The following C4orf51 variants were observed in gnomAD, a reference collection of about 807,000 sequenced individuals.
C4orf51 encodes the protein chromosome 4 open reading frame 51.
Under a neutral mutation model 25.2 loss-of-function variants are expected in C4orf51, and 25 were observed. The observed-to-expected ratio is 0.99, with a 90% CI of 0.72 to 1.39. The LOEUF is 1.39. Ranked by LOEUF, C4orf51 falls within the 40% of genes most tolerant of loss-of-function variation. The pLI is 0.00. For synonymous variants in C4orf51, 100 were observed against 84.5 expected, an observed-to-expected ratio of 1.18 and a Z score of -1.01; for missense variants, 252 against 239.6, an observed-to-expected ratio of 1.05 and a Z score of -0.34.
In C4orf51 at chr4:145,681,878, T is replaced by C. The variant is rs190897180; in HGVS notation, c.233+1442T>C. The stretch of plus-strand genomic sequence containing the variant: ...ATTAGTCCTTACCTCCCAAAACTAT[T>C]GCATTGGGGATTAAATTTCTAACAC... On this transcript the variant is annotated intron_variant, in intron 1 of 5. Coordinates refer to ENST00000438731, the MANE Select transcript of C4orf51 (RefSeq NM_001080531.3). 9.8e-5 allele frequency among the ~76,000 whole-genome samples: 15 copies of C among 152,286 alleles called. No homozygotes were observed. The East Asian group carries it at 2.9e-3, about 29-fold the overall frequency.
At chr4:145,701,002 AG>A (rs1365538234) in intron 2 of C4orf51, among the ~76,000 whole-genome samples, 1 of 152,144 alleles carries the variant, frequency 6.6e-6, no homozygotes, top group Non-Finnish European at 1.5e-5. Context: ...ACCCCAAATC[AG>A]AAGGGTTTAG....
At chr4:145,696,418 T>C in intron 1 of C4orf51, 141 bp from the exon 2 acceptor site, 2 of 699,180 alleles carry the variant, frequency 2.9e-6, no homozygotes. Context: ...TTTATCTAAA[T>C]AACAAACCTT....
At chr4:145,783,207 G>A in the C4orf51 span, among the ~76,000 whole-genome samples, 36 of 152,292 alleles carry the variant, frequency 2.4e-4, no homozygotes, top group Middle Eastern at 3.4e-3. Flanking sequence ...CTCAGCATTA[G>A]CACAATCTCT....
At chr4:145,744,403 A>T (rs986309330) in intron 1 of C4orf51, among the ~76,000 whole-genome samples, 1 of 152,256 alleles carries the variant, frequency 6.6e-6, no homozygotes, top group Non-Finnish European at 1.5e-5. Flanking sequence ...TCTTATCCAC[A>T]GGCAGATAAA....
chr4:145,775,788 C>T, downstream of C4orf51: 1 of 1,614,156 alleles, frequency 6.2e-7, no homozygotes, highest in Non-Finnish European at 8.5e-7. Flanking sequence ...CTGCAACTCA[C>T]CTGTAATAAT....
chr4:145,756,369 T>C (rs1038075872), downstream of C4orf51, among the ~76,000 whole-genome samples: 1 of 152,148 alleles, frequency 6.6e-6, no homozygotes, highest in Non-Finnish European at 1.5e-5. Context: ...TGGATTAAAA[T>C]TCAATCAAAG....
At chr4:145,791,347 G>A in the C4orf51 span, among the ~76,000 whole-genome samples, 3 of 152,186 alleles carry the variant, frequency 2.0e-5, no homozygotes, top group African/African-American at 7.2e-5. Context: ...CAAGACCTAA[G>A]CACTTCCCAA....
intron 3 of C4orf51, among the ~76,000 whole-genome samples, chr4:145,727,603 CG>C (rs776658882): frequency 2.0e-5 from 3 of 151,504 alleles, no homozygotes; most frequent in Non-Finnish European, 2.9e-5. Flanking sequence ...AGGCCGGGCA[CG>C]GTGGCTCATG....
At chr4:145,692,172 G>T (rs1729619525) in intron 1 of C4orf51, among the ~76,000 whole-genome samples, 1 of 152,164 alleles carries the variant, frequency 6.6e-6, no homozygotes, top group Admixed American at 6.5e-5. Flanking sequence ...GAAGCAAAAT[G>T]TAGAATAAGT....
chr4:145,708,769 C>T (rs774277910), intron 2 of C4orf51, among the ~76,000 whole-genome samples: 14 of 152,230 alleles, frequency 9.2e-5, no homozygotes, highest in African/African-American at 2.2e-4. Context: ...ATTGTGCCTA[C>T]GGCCTTGGGC....
intron 1 of C4orf51, among the ~76,000 whole-genome samples, chr4:145,689,560 G>A (rs1262457750): frequency 6.6e-6 from 1 of 151,932 alleles, no homozygotes; most frequent in African/African-American, 2.4e-5. Flanking sequence ...CATACCAAAG[G>A]TGCTCAACCA....
chr4:145,765,245 A>C lies in C4orf51; in HGVS notation n.167-5743A>C. 1 of 1,433,050 alleles carries C rather than the reference A, an allele frequency of 7.0e-7. No homozygotes were observed. Among genetic ancestry groups the C allele is most frequent in the East Asian group, 2.4e-5 (1 of 40,834 alleles). 88.8% of individuals were successfully genotyped at this position (1,433,050 alleles called of 1,614,324 possible). A position where few individuals can be genotyped will look rare whatever the true frequency, so the allele number is the denominator to read the frequency against. ...CAGGAGTGGAGCCAAGCTCCTCCCC[A>C]CTTCCTCCCGCCTCCTCCGACGCCT... On this transcript the variant is annotated intron_variant and non_coding_transcript_variant, in intron 1 of 1. Coordinates refer to the C4orf51 transcript ENST00000510096. The surrounding 1 kb of genome is among the most constrained non-coding windows in gnomAD (Gnocchi z 4.7).
chr4:145,792,104 G>A, the C4orf51 span, among the ~76,000 whole-genome samples: 6 of 152,284 alleles, frequency 3.9e-5, no homozygotes, highest in South Asian at 6.2e-4. Flanking sequence ...TGGTGACCTC[G>A]TTTTGGACCT....
At chr4:145,771,671 C>A (rs1246198093), downstream of C4orf51, among the ~76,000 whole-genome samples, 6 of 150,672 alleles carry the variant, frequency 4.0e-5, no homozygotes, top group African/African-American at 1.5e-4. Context: ...TCAGGTATCC[C>A]TTTAACATAA....
chr4:145,731,564 C>CTTTTTTTTTTTTTTTTTTTT (rs398051305), intron 5 of C4orf51, among the ~76,000 whole-genome samples: 1 of 43,860 alleles, frequency 2.3e-5, no homozygotes, highest in Non-Finnish European at 3.8e-5. Flanking sequence ...CAAGGCAAAT[C>CTTTTTTTTTTTTTTTTTTTT]TTTTTTTTTT....
intron 1 of C4orf51, among the ~76,000 whole-genome samples, chr4:145,750,806 A>T (rs1045372685): frequency 2.6e-5 from 4 of 151,800 alleles, no homozygotes; most frequent in African/African-American, 9.7e-5. Context: ...TTTTTTCTAG[A>T]TCTTGTAGGA....
At chr4:145,718,286 A>C (rs1294448184) in intron 2 of C4orf51, among the ~76,000 whole-genome samples, 2 of 152,276 alleles carry the variant, frequency 1.3e-5, no homozygotes, top group East Asian at 3.8e-4. Context: ...TTTCCTAAAC[A>C]CAGGCAGCAA....
At chr4:145,719,474 G>A (rs1282671229) in intron 2 of C4orf51, among the ~76,000 whole-genome samples, 1 of 151,674 alleles carries the variant, frequency 6.6e-6, no homozygotes, top group African/African-American at 2.4e-5. Flanking sequence ...GCGTGGTTGC[G>A]GGCGCCTATA....
chr4:145,733,226 CCTT>C (rs985632760), downstream of C4orf51, among the ~76,000 whole-genome samples: 25 of 151,994 alleles, frequency 1.6e-4, no homozygotes, highest in Non-Finnish European at 2.8e-4. Context: ...GCGGCCGTCT[CCTT>C]CTTCCTCCAC....
Sources: allele counts gnomAD v4.1 joint callset (sites outside exome capture counted in the v4.1 genomes callset), GRCh38; gene constraint gnomAD v4.1.1; non-coding constraint Gnocchi (gnomAD v3.1); transcripts MANE v1.5; gene names NCBI Gene and HGNC (gene_info 2026-07-23, HGNC 2026-07-21).